The following PARD3B variants were observed in gnomAD, a reference collection of about 807,000 sequenced individuals.
The protein encoded by PARD3B is par-3 family cell polarity regulator beta.
PARD3B carries 103 observed loss-of-function variants against 130.2 expected under a neutral mutation model. The ratio of observed to expected loss-of-function variants is 0.79; its 90% CI spans 0.67 to 0.93. PARD3B has a LOEUF of 0.93. Among genes scored for constraint, PARD3B ranks in the 40% least tolerant of loss-of-function variants. The pLI is 0.00. For synonymous variants in PARD3B, 583 were observed against 553.2 expected (o/e 1.05, Z -0.76); for missense variants, 1,609 against 1,499.2 (o/e 1.07, Z -1.21).
chr2:205,232,234 G>C (rs2125896248), intron 15 of PARD3B, among the ~76,000 whole-genome samples: 1 of 152,306 alleles, frequency 6.6e-6, no homozygotes, highest in South Asian at 2.1e-4. Flanking sequence ...AGGATTGCTT[G>C]AGGCCGAGAG....
chr2:205,103,242 TTA>T (rs1157088053), intron 4 of PARD3B, among the ~76,000 whole-genome samples: 2 of 98,882 alleles, frequency 2.0e-5, no homozygotes, highest in African/African-American at 7.0e-5. Flanking sequence ...TATTTTATAT[TTA>T]TGTAAAAAAC....
At chr2:205,278,578 C>A (rs146785647) in intron 16 of PARD3B, among the ~76,000 whole-genome samples, 3 of 152,096 alleles carry the variant, frequency 2.0e-5, no homozygotes, top group Admixed American at 6.6e-5. Flanking sequence ...GTGGGAGAAG[C>A]TTTAGGGACT....
chr2:205,393,328 A>C (rs920256863), intron 18 of PARD3B, among the ~76,000 whole-genome samples: 1 of 152,226 alleles, frequency 6.6e-6, no homozygotes, highest in Non-Finnish European at 1.5e-5. Context: ...AGGAGCTATC[A>C]TGCCTAGTTT....
intron 4 of PARD3B, among the ~76,000 whole-genome samples, chr2:205,056,267 C>A (rs1176761401): frequency 1.3e-5 from 2 of 151,876 alleles, no homozygotes; most frequent in African/African-American, 4.8e-5. Flanking sequence ...TTGGTTTCTG[C>A]TTTCAAAATC....
intron 18 of PARD3B, among the ~76,000 whole-genome samples, chr2:205,369,903 C>T (rs1433708462): frequency 1.3e-5 from 2 of 152,142 alleles, no homozygotes; most frequent in African/African-American, 4.8e-5. Context: ...TTAAAATAAA[C>T]AAGCAATAAT....
At chr2:205,606,242 C>T (rs140735502) in intron 22 of PARD3B, among the ~76,000 whole-genome samples, 46 of 152,208 alleles carry the variant, frequency 3.0e-4, no homozygotes, top group African/African-American at 1.1e-3. Context: ...GCTCTGATGG[C>T]ATGGGCTCAC....
intron 22 of PARD3B, among the ~76,000 whole-genome samples, chr2:205,579,301 G>A (rs1205813844): frequency 6.6e-6 from 1 of 152,118 alleles, no homozygotes; most frequent in Admixed American, 6.5e-5. Flanking sequence ...AGGCTATTGT[G>A]GCATCATCAG....
chr2:205,229,919 G>GCCA lies in PARD3B; in HGVS notation c.2141-15848_2141-15846dup, dbSNP rs966464027. Among the ~76,000 whole-genome samples the GCCA allele has an allele frequency of 5.9e-5, 9 of 151,746 alleles. No individual in the cohort carries two copies. ...ACAAGCAGAGGACTCTCTCCCCACA[G>GCCA]CCACCACCACCACGTCCATGGCAAG... On this transcript the variant is annotated intron_variant, in intron 15 of 22. Coordinates refer to ENST00000406610, the MANE Select transcript of PARD3B (RefSeq NM_001302769.2). The surrounding 1 kb of genome is among the most constrained non-coding windows in gnomAD (Gnocchi z 5.2).
intron 22 of PARD3B, among the ~76,000 whole-genome samples, chr2:205,561,318 CA>C (rs2053127148): frequency 6.6e-6 from 1 of 152,126 alleles, no homozygotes; most frequent in African/African-American, 2.4e-5. Flanking sequence ...CCAGCAATGC[CA>C]CAGTACTGGG....
chr2:205,496,120 A>T (rs1003996898), intron 20 of PARD3B, among the ~76,000 whole-genome samples: 1 of 152,202 alleles, frequency 6.6e-6, no homozygotes, highest in African/African-American at 2.4e-5. Flanking sequence ...TCAATAAATT[A>T]TAACCATTAT....
In PARD3B at chr2:205,288,758, C is replaced by T. The variant is rs1330519965; in HGVS notation, c.2186-11772C>T. ...CTTTTCCTCTAAGTGGTGTGCCTGT[C>T]CACCTCCTACTTCTCTTACCTATAT... On this transcript the variant is annotated intron_variant, in intron 16 of 22. Coordinates refer to ENST00000406610, the MANE Select transcript of PARD3B (RefSeq NM_001302769.2). This position sits in a 1 kb window ranked among gnomAD's most constrained non-coding sequence, Gnocchi z 4.0. Among the ~76,000 whole-genome samples the T allele has an allele frequency of 6.6e-6, 1 of 152,150 alleles. No homozygotes were observed. Among genetic ancestry groups the T allele is most frequent in the Non-Finnish European group, 1.5e-5 (1 of 68,018 alleles).
chr2:205,337,287 C>G (rs1356900082), intron 18 of PARD3B, among the ~76,000 whole-genome samples: 1 of 152,188 alleles, frequency 6.6e-6, no homozygotes, highest in Non-Finnish European at 1.5e-5. Flanking sequence ...GGAGCCTGAA[C>G]AGATCCCCAG....
intron 2 of PARD3B, among the ~76,000 whole-genome samples, chr2:204,838,916 C>T (rs1230486448): frequency 6.6e-6 from 1 of 152,084 alleles, no homozygotes; most frequent in Non-Finnish European, 1.5e-5. Flanking sequence ...TAACCTGGCT[C>T]CCTGAGTAAA....
chr2:205,543,646 T>A (rs1224569570), intron 21 of PARD3B, among the ~76,000 whole-genome samples: 2 of 152,206 alleles, frequency 1.3e-5, no homozygotes, highest in Non-Finnish European at 2.9e-5. Flanking sequence ...TGTGTGACCC[T>A]TAGGCAAGTC....
intron 21 of PARD3B, among the ~76,000 whole-genome samples, chr2:205,533,282 A>T (rs1270212908): frequency 6.6e-6 from 1 of 152,206 alleles, no homozygotes; most frequent in Non-Finnish European, 1.5e-5. Context: ...TAGCAGTGAG[A>T]CTGGTAGGAG....
intron 3 of PARD3B, among the ~76,000 whole-genome samples, chr2:205,033,857 G>T (rs756572309): frequency 3.3e-5 from 5 of 152,040 alleles, no homozygotes; most frequent in Non-Finnish European, 7.4e-5. Flanking sequence ...AACTGTCAGG[G>T]CAGTAGATTC....
rs531531288 is a variant in PARD3B at position 204,689,688 on chromosome 2, C to G, written c.222+3406C>G. On this transcript the variant is annotated intron_variant, in intron 2 of 22. Coordinates refer to ENST00000406610, the MANE Select transcript of PARD3B (RefSeq NM_001302769.2). The surrounding 1 kb of genome is among the most constrained non-coding windows in gnomAD (Gnocchi z 5.2). ...CGTTATTTTAAAGCAATCCTGAAGACAAGAGCTAGTGTTATCCCTATTTTT... is the reference window on the plus strand; with the variant it reads ...CGTTATTTTAAAGCAATCCTGAAGAGAAGAGCTAGTGTTATCCCTATTTTT... 1.3e-5 allele frequency among the ~76,000 whole-genome samples: 2 copies of G among 152,240 alleles called. No homozygotes were observed. Among genetic ancestry groups the G allele is most frequent in the East Asian group, 1.9e-4 (1 of 5,170 alleles).
intron 1 of PARD3B, among the ~76,000 whole-genome samples, chr2:204,649,879 G>A (rs867399050): frequency 3.9e-5 from 6 of 152,152 alleles, no homozygotes; most frequent in African/African-American, 7.2e-5. Context: ...TGGAGATGCC[G>A]GAGGCAATTC....
rs534271647 is a variant in PARD3B at position 204,711,767 on chromosome 2, C to T, written c.222+25485C>T. 1.2e-4 allele frequency among the ~76,000 whole-genome samples: 18 copies of T among 152,148 alleles called. 1 individual carries two copies. The South Asian group carries it at 3.3e-3, about 28-fold the overall frequency. On this transcript the variant is annotated intron_variant, in intron 2 of 22. Coordinates refer to ENST00000406610, the MANE Select transcript of PARD3B (RefSeq NM_001302769.2). ...TTCGCCATGTTGACCAGGCTGGTCTCGAACTCCTGACTTCAATTGATCTAC... is the reference window on the plus strand; with the variant it reads ...TTCGCCATGTTGACCAGGCTGGTCTTGAACTCCTGACTTCAATTGATCTAC...
Sources: gnomAD v4.1 joint callset for allele counts (sites outside exome capture counted in the v4.1 genomes callset) on GRCh38, gnomAD v4.1.1 for gene constraint, Gnocchi (gnomAD v3.1) non-coding constraint, MANE v1.5 for transcripts, NCBI Gene and HGNC (gene_info 2026-07-23, HGNC 2026-07-21) for gene names.